Variants in CCDC150 observed in about 807,000 individuals in gnomAD.
CCDC150 encodes coiled-coil domain containing 150.
A neutral mutation model predicts 156.5 loss-of-function variants in CCDC150; 151 were observed. The ratio of observed to expected loss-of-function variants is 0.97; its 90% CI spans 0.85 to 1.10. CCDC150 has a LOEUF of 1.10. Among genes scored for constraint, CCDC150 ranks in the 50% least tolerant of loss-of-function variants. CCDC150 has a pLI of 0.00. For missense variants in CCDC150, 1,312 were observed against 1,268.1 expected (o/e 1.03, Z -0.53); for synonymous variants, 452 against 429.4 (o/e 1.05, Z -0.65).
intron 17 of CCDC150, chr2:196,713,131 A>G: frequency 1.7e-6 from 1 of 597,126 alleles, no homozygotes; most frequent in Non-Finnish European, 2.6e-6. Flanking sequence ...AGGAGGCCTC[A>G]TTAGATGCGC....
At chr2:196,682,413 T>A (rs1694892783) in intron 13 of CCDC150, among the ~76,000 whole-genome samples, 1 of 151,922 alleles carries the variant, frequency 6.6e-6, no homozygotes, top group Non-Finnish European at 1.5e-5. Context: ...TTTTTTTTTG[T>A]TGTTATTTTT....
intron 8 of CCDC150, among the ~76,000 whole-genome samples, chr2:196,670,640 A>G (rs1288567726): frequency 1.3e-5 from 2 of 151,732 alleles, no homozygotes; most frequent in East Asian, 3.9e-4. Flanking sequence ...TTCACTTATA[A>G]CTTTAAAAGA....
At chr2:196,663,629 A>G (rs978773986) in intron 5 of CCDC150, among the ~76,000 whole-genome samples, 1 of 152,186 alleles carries the variant, frequency 6.6e-6, no homozygotes, top group Non-Finnish European at 1.5e-5. Context: ...GTAGTGAAAA[A>G]TTGGAAAAAC....
intron 21 of CCDC150, among the ~76,000 whole-genome samples, chr2:196,722,900 C>T (rs1698005453): frequency 6.6e-6 from 1 of 152,094 alleles, no homozygotes; most frequent in Non-Finnish European, 1.5e-5. Flanking sequence ...ATGATTAGGT[C>T]ATTTACAGGA....
At chr2:196,716,697 A>G (rs1423390809) in intron 17 of CCDC150, among the ~76,000 whole-genome samples, 3 of 152,146 alleles carry the variant, frequency 2.0e-5, no homozygotes, top group Admixed American at 6.5e-5. Context: ...TATTGTTTCA[A>G]AGTCTTATAC....
chr2:196,669,904 G>A (rs1694098919), intron 8 of CCDC150, 28 bp downstream of exon 8: 12 of 1,573,850 alleles, frequency 7.6e-6, no homozygotes, highest in Non-Finnish European at 9.6e-6. Context: ...GGAGTACAGA[G>A]GTGGTCTTTC....
chr2:196,643,879 CA>C (rs1207707661), intron 1 of CCDC150, among the ~76,000 whole-genome samples: 1 of 151,838 alleles, frequency 6.6e-6, no homozygotes, highest in Non-Finnish European at 1.5e-5. Flanking sequence ...CTAAAACAAA[CA>C]AAAAAAAGTT....
At chr2:196,701,512 T>A (rs933791862) in intron 15 of CCDC150, among the ~76,000 whole-genome samples, 2 of 152,198 alleles carry the variant, frequency 1.3e-5, no homozygotes, top group Admixed American at 6.5e-5. Context: ...AAGAAATAAA[T>A]CTGGAAACAG....
chr2:196,674,047 A>G (rs541511939), intron 9 of CCDC150, among the ~76,000 whole-genome samples, 194 bp from the exon 10 acceptor site: 58 of 152,306 alleles, frequency 3.8e-4, no homozygotes, highest in African/African-American at 1.4e-3. Flanking sequence ...CTCTTAATTT[A>G]GAATTATTTA....
At chr2:196,721,944 G>A (rs139220903) in intron 21 of CCDC150, among the ~76,000 whole-genome samples, 1 of 152,214 alleles carries the variant, frequency 6.6e-6, no homozygotes, top group African/African-American at 2.4e-5. Flanking sequence ...TTACTCAAAG[G>A]TTAAATCAAA....
At chr2:196,693,016 TA>T (rs1243249587) in intron 13 of CCDC150, among the ~76,000 whole-genome samples, 1 of 152,226 alleles carries the variant, frequency 6.6e-6, no homozygotes, top group Non-Finnish European at 1.5e-5. Context: ...GATGCATATA[TA>T]TTTAAGATAT....
chr2:196,669,381 A>G (rs1482574320), intron 7 of CCDC150, among the ~76,000 whole-genome samples: 1 of 152,186 alleles, frequency 6.6e-6, no homozygotes, highest in Non-Finnish European at 1.5e-5. Flanking sequence ...TTACCCCACC[A>G]GTAAGCCATC....
At chr2:196,720,795 C>T in intron 20 of CCDC150, 127 bp downstream of exon 20, 1 of 787,800 alleles carries the variant, frequency 1.3e-6, no homozygotes, top group Non-Finnish European at 2.0e-6. Flanking sequence ...GAGTTTTGGA[C>T]AGTGACATAT....
chr2:196,646,564 T>C, intron 2 of CCDC150, 60 bp downstream of exon 2: 1 of 1,320,528 alleles, frequency 7.6e-7, no homozygotes, highest in Non-Finnish European at 1.1e-6. Flanking sequence ...GCTTATTAAG[T>C]CACAGTAGTT....
chr2:196,667,155 A>G lies in CCDC150; in HGVS notation c.892+307A>G. 8.1e-6 allele frequency: 3 copies of G among 371,668 alleles called. No homozygotes were observed. In the South Asian group the frequency reaches 9.6e-5, roughly 12 times the overall value. The allele number at this position is 371,668 out of a possible 1,614,324, so 23.0% of individuals were successfully genotyped here. On this transcript the variant is annotated intron_variant, in intron 7 of 27. Coordinates refer to ENST00000389175, the MANE Select transcript of CCDC150 (RefSeq NM_001080539.2). ...AATATTGGGCAAAAAAAGTAAAACAATAGATTGAATATTTGATAATAGAAT... is the reference window on the plus strand; with the variant it reads ...AATATTGGGCAAAAAAAGTAAAACAGTAGATTGAATATTTGATAATAGAAT...
chr2:196,694,820 C>G (rs1037281294), intron 13 of CCDC150, among the ~76,000 whole-genome samples: 2 of 152,162 alleles, frequency 1.3e-5, no homozygotes, highest in Non-Finnish European at 1.5e-5. Flanking sequence ...CAAGATCACA[C>G]AACTGCACTC....
intron 5 of CCDC150, among the ~76,000 whole-genome samples, chr2:196,660,430 C>G (rs535591339): frequency 6.6e-6 from 1 of 152,198 alleles, no homozygotes; most frequent in African/African-American, 2.4e-5. Flanking sequence ...GCATGCCCAT[C>G]AGCAAGGAAT....
chr2:196,660,399 T>C (rs1350207672), intron 5 of CCDC150, among the ~76,000 whole-genome samples: 5 of 152,206 alleles, frequency 3.3e-5, no homozygotes, highest in Non-Finnish European at 7.3e-5. Context: ...CAACCTGTCT[T>C]GCAGAATGAC....
chr2:196,730,170 C>A, intron 25 of CCDC150, 52 bp downstream of exon 25: 1 of 1,501,680 alleles, frequency 6.7e-7, no homozygotes, highest in Non-Finnish European at 9.0e-7. Context: ...ATGACATGTG[C>A]CAAAGCCCAG....
Sources: allele counts gnomAD v4.1 joint callset (sites outside exome capture counted in the v4.1 genomes callset), GRCh38; gene constraint gnomAD v4.1.1; transcripts MANE v1.5; gene names NCBI Gene and HGNC (gene_info 2026-07-23, HGNC 2026-07-21).